Variants in TSHR observed in about 807,000 individuals in gnomAD.
TSHR encodes the protein thyroid stimulating hormone receptor, also known as thyrotropin receptor.
TSHR carries 51 observed loss-of-function variants against 64.1 expected under a neutral mutation model. The observed-to-expected ratio is 0.80, with a 90% CI of 0.64 to 1.01. The LOEUF (loss-of-function observed/expected upper bound fraction) is 1.01, where lower values mean the gene tolerates loss of function less well. TSHR is among the 50% of genes least tolerant of loss of function. The probability of loss-of-function intolerance (pLI) is 0.00; values close to 1 mark genes in which losing one functional copy is unlikely to be tolerated. For synonymous variants in TSHR, 361 were observed against 361.9 expected, an observed-to-expected ratio of 1.00 and a Z score of 0.03; for missense variants, 877 against 942.8, an observed-to-expected ratio of 0.93 and a Z score of 0.91.
At chr14:80,975,576 C>T (rs1433477010) in intron 1 of TSHR, among the ~76,000 whole-genome samples, 2 of 152,184 alleles carry the variant, frequency 1.3e-5, no homozygotes, top group African/African-American at 2.4e-5. Flanking sequence ...TCATGTTGCT[C>T]TTCTGATTTT....
At chr14:81,032,923 G>T in intron 1 of TSHR, 1 of 355,622 alleles carries the variant, frequency 2.8e-6, no homozygotes, top group South Asian at 2.8e-5. Flanking sequence ...TCCATGAGCT[G>T]AACAAAGACA....
chr14:81,068,622 A>C (rs574096863), intron 3 of TSHR: 4 of 410,976 alleles, frequency 9.7e-6, no homozygotes. Flanking sequence ...GTGAGACAAT[A>C]GGTATTTACT....
intron 1 of TSHR, among the ~76,000 whole-genome samples, chr14:80,971,113 C>A (rs1887569818): frequency 6.6e-6 from 1 of 152,172 alleles, no homozygotes; most frequent in Non-Finnish European, 1.5e-5. Flanking sequence ...CGTGAGCCAC[C>A]ATACCTGGCC....
intron 6 of TSHR, chr14:81,095,555 G>A (rs972070541): frequency 1.3e-5 from 2 of 148,424 alleles, no homozygotes; most frequent in Non-Finnish European, 2.9e-5. Context: ...CTGGGCAACA[G>A]TGCCAGACTC....
At chr14:81,122,794 A>G (rs1890859471) in intron 8 of TSHR, among the ~76,000 whole-genome samples, 1 of 152,174 alleles carries the variant, frequency 6.6e-6, no homozygotes, top group African/African-American at 2.4e-5. Context: ...AGCTTCCAGT[A>G]TAATTTGCTT....
intron 1 of TSHR, among the ~76,000 whole-genome samples, chr14:80,962,323 G>A (rs1353900137): frequency 6.7e-6 from 1 of 148,942 alleles, no homozygotes; most frequent in Non-Finnish European, 1.5e-5. Context: ...CACAAACTGA[G>A]TGGCTTAAAA....
chr14:81,008,661 A>G (rs889770839), intron 1 of TSHR, among the ~76,000 whole-genome samples: 13 of 152,228 alleles, frequency 8.5e-5, no homozygotes, highest in Non-Finnish European at 1.8e-4. Context: ...AGCTTTATCT[A>G]TGTGAATTAT....
intron 4 of TSHR, among the ~76,000 whole-genome samples, chr14:81,090,294 G>T (rs751306304): frequency 2.0e-5 from 3 of 152,158 alleles, no homozygotes; most frequent in Non-Finnish European, 4.4e-5. Flanking sequence ...ACCCAGGCTG[G>T]AGTGCAGTGG....
chr14:80,975,230 A>G (rs1887806347), intron 1 of TSHR, among the ~76,000 whole-genome samples: 1 of 152,240 alleles, frequency 6.6e-6, no homozygotes, highest in African/African-American at 2.4e-5. Flanking sequence ...TGTATTATAC[A>G]GGGATTCTGA....
chr14:81,053,603 T>C (rs957799073), intron 1 of TSHR: 1 of 152,230 alleles, frequency 6.6e-6, no homozygotes, highest in South Asian at 2.1e-4. Context: ...CTGGAACTCC[T>C]ATAGATCACT....
In TSHR at chr14:81,134,201, T is replaced by C. The variant is rs189766729; in HGVS notation, c.693-5478T>C. ...CCCAGGCTGGAGTGCAATGGTGCAA[T>C]CTCGGCTCACCACGACCTCCACTTC... On this transcript the variant is annotated intron_variant, in intron 8 of 9. Coordinates refer to ENST00000298171, the MANE Select transcript of TSHR (RefSeq NM_000369.5). Among the ~76,000 whole-genome samples, 5 of 152,298 alleles carry C rather than the reference T, an allele frequency of 3.3e-5. No individual in the cohort carries two copies. The East Asian group carries it at 9.6e-4, about 29-fold the overall frequency.
chr14:81,140,756 C>T (rs1204865123), intron 9 of TSHR, among the ~76,000 whole-genome samples: 1 of 152,128 alleles, frequency 6.6e-6, no homozygotes, highest in African/African-American at 2.4e-5. Context: ...ACTTACTACA[C>T]ACATAATTGC....
intron 1 of TSHR, among the ~76,000 whole-genome samples, chr14:81,023,096 T>G (rs1038544818): frequency 1.3e-5 from 2 of 152,144 alleles, no homozygotes; most frequent in African/African-American, 4.8e-5. Context: ...CTATTGTCCA[T>G]AAATTACTCA....
chr14:80,991,516 C>T (rs1404850139), intron 1 of TSHR: 9 of 398,196 alleles, frequency 2.3e-5, no homozygotes, highest in Non-Finnish European at 3.5e-5. Context: ...TTAACGCAAC[C>T]ATTCTTTCCA....
At chr14:80,997,873 A>G (rs1208606120) in intron 1 of TSHR, among the ~76,000 whole-genome samples, 2 of 152,202 alleles carry the variant, frequency 1.3e-5, no homozygotes, top group Non-Finnish European at 2.9e-5. Flanking sequence ...GCATCGGAAG[A>G]TACTTAAGAG....
intron 9 of TSHR, among the ~76,000 whole-genome samples, chr14:81,141,962 C>G (rs764504127): frequency 6.6e-6 from 1 of 152,078 alleles, no homozygotes; most frequent in African/African-American, 2.4e-5. Context: ...TTTAATAACC[C>G]TATATGAAAT....
In TSHR at chr14:80,955,699, C is replaced by CTGCA. The variant is rs773584994; in HGVS notation, c.20_23dup (p.Gln8HisfsTer55). The CTGCA allele has an allele frequency of 1.2e-6, 2 of 1,614,130 alleles. No homozygotes were observed. The highest frequency in any genetic ancestry group is 1.7e-6 in the Non-Finnish European group (2 of 1,180,004). Reference sequence around the variant, plus strand: ...GTGGAAAATGAGGCCGGCGGACTTGCTGCAGCTGGTGCTGCTGCTCGACCT... The same window carrying CTGCA: ...GTGGAAAATGAGGCCGGCGGACTTGCTGCATGCAGCTGGTGCTGCTGCTCGACCT... On this transcript the variant is annotated frameshift_variant, in exon 1 of 10. Coordinates refer to ENST00000298171, the MANE Select transcript of TSHR (RefSeq NM_000369.5). LOFTEE classifies it high-confidence loss of function.
In TSHR at chr14:81,009,832, A is replaced by G. The variant is rs114520725; in HGVS notation, c.171-52316A>G. 3.8e-3 allele frequency among the ~76,000 whole-genome samples: 577 copies of G among 152,192 alleles called. 8 individuals are homozygous for G. The highest frequency in any genetic ancestry group is 0.014 in the African/African-American group (561 of 41,526). On this transcript the variant is annotated intron_variant, in intron 1 of 9. Coordinates refer to ENST00000298171, the MANE Select transcript of TSHR (RefSeq NM_000369.5). ...AGTTGAGTCTTGCAAAGGTTGCTAG[A>G]CTGAACATCCTTGTGTATTCTTGTG...
chr14:81,100,898 A>G (rs1889536957), intron 7 of TSHR, among the ~76,000 whole-genome samples: 1 of 152,170 alleles, frequency 6.6e-6, no homozygotes, highest in African/African-American at 2.4e-5. Flanking sequence ...GTTTCATTAC[A>G]TAGGCTTGAT....
Sources: gnomAD v4.1 joint callset for allele counts (sites outside exome capture counted in the v4.1 genomes callset) on GRCh38, gnomAD v4.1.1 for gene constraint, MANE v1.5 for transcripts, NCBI Gene and HGNC (gene_info 2026-07-23, HGNC 2026-07-21) for gene names.